MAGI2: variants seen among roughly 807,000 people sequenced by gnomAD.
The protein encoded by MAGI2 is membrane-associated guanylate kinase, WW and PDZ domain-containing protein 2.
A neutral mutation model predicts 133.3 loss-of-function variants in MAGI2; 35 were observed. The observed-to-expected ratio is 0.26, with a 90% CI of 0.20 to 0.35. The LOEUF (loss-of-function observed/expected upper bound fraction) is 0.35, where lower values mean the gene tolerates loss of function less well. MAGI2 is among the 10% of genes least tolerant of loss of function. The pLI is 1.00. For synonymous variants in MAGI2, 729 were observed against 710.6 expected (o/e 1.03, Z -0.41); for missense variants, 1,636 against 1,863.4 (o/e 0.88, Z 2.25).
At chr7:79,208,282 C>A (rs571383887) in intron 1 of MAGI2, among the ~76,000 whole-genome samples, 1 of 151,946 alleles carries the variant, frequency 6.6e-6, no homozygotes, top group South Asian at 2.1e-4. Context: ...TCAAAATATA[C>A]ATCTGATAAG....
chr7:79,346,900 C>G (rs1841359021), intron 1 of MAGI2, among the ~76,000 whole-genome samples: 1 of 151,970 alleles, frequency 6.6e-6, no homozygotes, highest in African/African-American at 2.4e-5. Context: ...TCATTGAATT[C>G]ACATCTGTGA....
intron 1 of MAGI2, among the ~76,000 whole-genome samples, chr7:79,119,793 G>C (rs1819728078): frequency 6.6e-6 from 1 of 151,948 alleles, no homozygotes; most frequent in African/African-American, 2.4e-5. Context: ...GCTATCTACA[G>C]TATGTTATTT....
chr7:78,713,170 A>G (rs1213261784), intron 2 of MAGI2, among the ~76,000 whole-genome samples: 2 of 152,186 alleles, frequency 1.3e-5, no homozygotes, highest in Non-Finnish European at 2.9e-5. Context: ...CTATGACATG[A>G]CAATTTGGAA....
intron 5 of MAGI2, among the ~76,000 whole-genome samples, chr7:78,497,447 G>A (rs1484304424): frequency 1.3e-5 from 2 of 152,104 alleles, no homozygotes; most frequent in Non-Finnish European, 1.5e-5. Flanking sequence ...AGTTTACCAG[G>A]GTTGCTGAGG....
chr7:78,560,035 G>A (rs1221062157), intron 3 of MAGI2, among the ~76,000 whole-genome samples: 1 of 152,116 alleles, frequency 6.6e-6, no homozygotes, highest in Non-Finnish European at 1.5e-5. Flanking sequence ...AAGGCATGCA[G>A]CTTGAAGGAT....
intron 1 of MAGI2, among the ~76,000 whole-genome samples, chr7:79,270,154 T>C (rs570835032): frequency 1.3e-5 from 2 of 152,266 alleles, no homozygotes; most frequent in African/African-American, 2.4e-5. Context: ...CACATCTTTA[T>C]GATTTCATCT....
chr7:78,117,458 AAGT>A, intron 20 of MAGI2, among the ~76,000 whole-genome samples: 1 of 152,246 alleles, frequency 6.6e-6, no homozygotes, highest in East Asian at 1.9e-4. Context: ...GATGCAGAAA[AAGT>A]AGACAAAATT....
intron 16 of MAGI2, among the ~76,000 whole-genome samples, chr7:78,155,294 G>A (rs1050909971): frequency 6.6e-6 from 1 of 152,144 alleles, no homozygotes; most frequent in Non-Finnish European, 1.5e-5. Context: ...TGCCCAGGAT[G>A]CTTCCCTGTT....
intron 1 of MAGI2, among the ~76,000 whole-genome samples, chr7:79,389,440 T>A (rs989986060): frequency 6.6e-6 from 1 of 152,140 alleles, no homozygotes; most frequent in Non-Finnish European, 1.5e-5. Flanking sequence ...CTGTAATTAT[T>A]TTGCATCATA....
At chr7:78,104,600 T>C (rs1429672559) in intron 20 of MAGI2, among the ~76,000 whole-genome samples, 1 of 152,072 alleles carries the variant, frequency 6.6e-6, no homozygotes, top group Admixed American at 6.5e-5. Context: ...TTCCTCCAAT[T>C]TATACCAACC....
chr7:78,269,762 G>T (rs1794379486), intron 9 of MAGI2, among the ~76,000 whole-genome samples: 1 of 151,656 alleles, frequency 6.6e-6, no homozygotes, highest in South Asian at 2.1e-4. Flanking sequence ...TGTGCAGAAG[G>T]CCTTTAATTA....
intron 9 of MAGI2, among the ~76,000 whole-genome samples, chr7:78,277,266 AAT>A (rs1392334132): frequency 8.5e-5 from 13 of 152,204 alleles, no homozygotes; most frequent in African/African-American, 2.9e-4. Context: ...ATTATGATTC[AAT>A]GTGTAATTCC....
At chr7:79,426,609 T>A (rs567112533) in intron 1 of MAGI2, among the ~76,000 whole-genome samples, 9 of 152,280 alleles carry the variant, frequency 5.9e-5, no homozygotes, top group African/African-American at 1.7e-4. Flanking sequence ...CATATATAAC[T>A]AGAATCATCA....
intron 2 of MAGI2, among the ~76,000 whole-genome samples, chr7:78,980,181 C>G (rs1410681141): frequency 6.6e-6 from 1 of 151,232 alleles, no homozygotes; most frequent in Admixed American, 6.6e-5. Flanking sequence ...TTTTTTTTCT[C>G]ATCTGTAAAA....
At chr7:78,757,305 T>TCTCTCTCTCTCTC (rs1824051245) in intron 2 of MAGI2, among the ~76,000 whole-genome samples, 1 of 145,290 alleles carries the variant, frequency 6.9e-6, no homozygotes, top group Non-Finnish European at 1.5e-5. Flanking sequence ...TTCTCCCTCC[T>TCTCTCTCTCTCTC]TCTCTCTCTC....
chr7:78,172,598 C>T (rs1826219650), intron 14 of MAGI2, among the ~76,000 whole-genome samples: 1 of 152,178 alleles, frequency 6.6e-6, no homozygotes, highest in Non-Finnish European at 1.5e-5. Flanking sequence ...TGCCCGTATG[C>T]TTTGTCTGAG....
At chr7:78,665,129 G>C (rs1215646948) in intron 2 of MAGI2, among the ~76,000 whole-genome samples, 2 of 152,092 alleles carry the variant, frequency 1.3e-5, no homozygotes, top group East Asian at 3.9e-4. Flanking sequence ...CAATGAGTGA[G>C]GGTCAAATTT....
intron 20 of MAGI2, among the ~76,000 whole-genome samples, chr7:78,086,302 A>T (rs77191140): frequency 0.18 from 26,741 of 145,618 alleles, 2,489 homozygotes; most frequent in South Asian, 0.24. Flanking sequence ...CAGTGGCACG[A>T]TCTTGGCCCA....
At chr7:79,282,713 C>A (rs2129558109) in intron 1 of MAGI2, among the ~76,000 whole-genome samples, 1 of 152,104 alleles carries the variant, frequency 6.6e-6, no homozygotes, top group Admixed American at 6.6e-5. Context: ...AAAGACCTGG[C>A]ATTCAGAAAG....
Sources: gnomAD v4.1 joint callset for allele counts (sites outside exome capture counted in the v4.1 genomes callset) on GRCh38, gnomAD v4.1.1 for gene constraint, MANE v1.5 for transcripts, NCBI Gene and HGNC (gene_info 2026-07-23, HGNC 2026-07-21) for gene names.